EPHB2: variants seen among roughly 807,000 people sequenced by gnomAD.
EPHB2 encodes ephrin type-B receptor 2.
Under a neutral mutation model 96.4 loss-of-function variants are expected in EPHB2, and 18 were observed. The ratio of observed to expected loss-of-function variants is 0.19; its 90% confidence interval spans 0.13 to 0.28. The LOEUF (loss-of-function observed/expected upper bound fraction) is 0.28. EPHB2 is among the 10% of genes least tolerant of loss of function. EPHB2 has a pLI of 1.00. For missense variants in EPHB2, 989 were observed against 1,355.4 expected (o/e 0.73, Z 4.25); for synonymous variants, 506 against 534.1 (o/e 0.95, Z 0.72).
intron 1 of EPHB2, among the ~76,000 whole-genome samples, chr1:22,720,659 T>TCC (rs1570147278): frequency 4.1e-5 from 3 of 73,524 alleles, no homozygotes; most frequent in South Asian, 1.0e-3. Flanking sequence ...AGAAATCTCA[T>TCC]TCCCCCCCCC....
chr1:22,735,422 G>C (rs1407689207), intron 1 of EPHB2, among the ~76,000 whole-genome samples: 1 of 147,110 alleles, frequency 6.8e-6, no homozygotes. Context: ...CTAAACAACA[G>C]AGTGAGACCC....
At chr1:22,798,138 T>C (rs764425617) in intron 3 of EPHB2, among the ~76,000 whole-genome samples, 8 of 152,230 alleles carry the variant, frequency 5.3e-5, no homozygotes, top group Non-Finnish European at 1.0e-4. Context: ...GGTTCTAGGA[T>C]GGTGCTGAGC....
rs1351852088 is a variant in EPHB2, at chr1:22,858,843, AG to A, written c.812-4189del. On this transcript the variant is annotated intron_variant, in intron 3 of 15. Coordinates refer to ENST00000374630, the MANE Select transcript of EPHB2 (RefSeq NM_017449.5). The surrounding 1 kb of genome is among the most constrained non-coding windows in gnomAD (Gnocchi z 7.7). ...CCTCAGTTTCCTCAAATGTCAACTA[AG>A]GGGGTGGGGCTCGATCCCCTTCCAG... 1.3e-5 allele frequency among the ~76,000 whole-genome samples: 2 copies of A among 152,180 alleles called. No individual in the cohort carries two copies. The highest frequency in any genetic ancestry group is 2.9e-5 in the Non-Finnish European group (2 of 68,028).
rs1638793970 is a variant in EPHB2, at chr1:22,875,069, A to G, written c.1304-7290A>G. ...TCTTAGCCACAGAATACGCAGTGCC[A>G]CCCTAGCACCAGTTGTCAGCTTTTC... On this transcript the variant is annotated intron_variant, in intron 5 of 15. Coordinates refer to ENST00000374630, the MANE Select transcript of EPHB2 (RefSeq NM_017449.5). This position sits in a 1 kb window ranked among gnomAD's most constrained non-coding sequence, Gnocchi z 4.2. 6.6e-6 allele frequency among the ~76,000 whole-genome samples: 1 copy of G among 152,142 alleles called. No homozygotes were observed.
chr1:22,894,375 A>C (rs756855991), intron 7 of EPHB2, among the ~76,000 whole-genome samples: 1 of 152,150 alleles, frequency 6.6e-6, no homozygotes, highest in Non-Finnish European at 1.5e-5. Context: ...AGGCGGGTGG[A>C]TCACCTGAGG....
chr1:22,871,407 C>T (rs769526080), intron 5 of EPHB2, among the ~76,000 whole-genome samples: 18 of 152,152 alleles, frequency 1.2e-4, no homozygotes, highest in Non-Finnish European at 1.5e-5. Context: ...GCTCATGTTG[C>T]AGAAAGGGCA....
rs753505053 is a variant in EPHB2, at chr1:22,910,515, C to T, written c.2636C>T (p.Thr879Met). ...CCCAAGTTCGGCCAAATTGTCAACA[C>T]GCTAGACAAGATGATCCGCAATCCC... is the stretch of plus-strand genomic sequence containing the variant. ...HRPKFGQIVN[T>M]LDKMIRNPNS... Residue 879 changes from threonine to methionine, a missense_variant, in exon 14 of 16, where the codon ACG (threonine) becomes ATG (methionine). Coordinates refer to ENST00000374630, the MANE Select transcript of EPHB2 (RefSeq NM_017449.5). 12 of 1,613,084 alleles carry T rather than the reference C, an allele frequency of 7.4e-6. 1 individual carries two copies. The highest frequency in any genetic ancestry group is 1.6e-4 in the Middle Eastern group (1 of 6,082).
chr1:22,903,713 G>C (rs1040783948), intron 9 of EPHB2, among the ~76,000 whole-genome samples: 6 of 152,218 alleles, frequency 3.9e-5, no homozygotes, highest in African/African-American at 1.4e-4. Flanking sequence ...TGGGCACAAA[G>C]GGCTCAGTAA....
chr1:22,849,433 C>T (rs541972258), intron 3 of EPHB2, among the ~76,000 whole-genome samples: 14 of 152,194 alleles, frequency 9.2e-5, no homozygotes, highest in Non-Finnish European at 1.9e-4. Context: ...GGGCCTGTGT[C>T]TCCTCAGTCC....
intron 3 of EPHB2, among the ~76,000 whole-genome samples, chr1:22,819,225 C>CTCTCTCTCTCTCTCTA (rs1645117580): frequency 1.3e-5 from 2 of 150,138 alleles, no homozygotes; most frequent in Non-Finnish European, 3.0e-5. Flanking sequence ...CTCTCTCTCT[C>CTCTCTCTCTCTCTCTA]TCTCTCTCTC....
chr1:22,805,210 C>G (rs1446654140), intron 3 of EPHB2, among the ~76,000 whole-genome samples: 2 of 152,112 alleles, frequency 1.3e-5, no homozygotes, highest in Non-Finnish European at 2.9e-5. Context: ...GGGGGCCTGG[C>G]CTGTTGATTC....
At chr1:22,750,627 T>C (rs116586586) in intron 1 of EPHB2, among the ~76,000 whole-genome samples, 1,961 of 152,300 alleles carry the variant, frequency 0.013, 40 homozygotes, top group African/African-American at 0.044. Context: ...CCCTTTTCAA[T>C]TGGGAAAAGC....
intron 3 of EPHB2, among the ~76,000 whole-genome samples, chr1:22,803,822 G>A (rs912962399): frequency 2.6e-5 from 4 of 151,564 alleles, no homozygotes; most frequent in African/African-American, 9.7e-5. Context: ...GCTGAGGTGG[G>A]AAGATCACTT....
chr1:22,887,102 C>T (rs764308135), intron 6 of EPHB2, among the ~76,000 whole-genome samples: 35 of 151,876 alleles, frequency 2.3e-4, no homozygotes, highest in Non-Finnish European at 3.4e-4. Flanking sequence ...GGAGAGTGTG[C>T]AGAGGAAGAA....
chr1:22,722,306 G>A (rs996191413), intron 1 of EPHB2, among the ~76,000 whole-genome samples: 4 of 152,166 alleles, frequency 2.6e-5, no homozygotes, highest in Admixed American at 2.6e-4. Flanking sequence ...CTGAAAACTG[G>A]TTTTTGAATG....
rs1640219377 is a variant in EPHB2, at chr1:22,914,679, AC to A, written c.*1110del. 1 of 152,422 alleles carries A rather than the reference AC, an allele frequency of 6.6e-6. No homozygotes were observed. The allele number at this position is 152,422 out of a possible 1,614,324, so 9.4% of individuals were successfully genotyped here. A position where few individuals can be genotyped will look rare whatever the true frequency, so the allele number is the denominator to read the frequency against. ...ACACCAAGGGCGAGATTTTATATGCACATTTCTGGATTTTTTTATACGGTTT... is the reference window on the plus strand; with the variant it reads ...ACACCAAGGGCGAGATTTTATATGCAATTTCTGGATTTTTTTATACGGTTT... On this transcript the variant is annotated 3_prime_UTR_variant, in exon 16 of 16. Coordinates refer to ENST00000374630, the MANE Select transcript of EPHB2 (RefSeq NM_017449.5).
chr1:22,834,055 A>AG (rs1645345165), intron 3 of EPHB2, among the ~76,000 whole-genome samples: 1 of 151,792 alleles, frequency 6.6e-6, no homozygotes, highest in East Asian at 1.9e-4. Context: ...ACACTTTAAA[A>AG]AAAAAAGATA....
intron 5 of EPHB2, among the ~76,000 whole-genome samples, chr1:22,873,760 T>C (rs138353362): frequency 3.2e-4 from 49 of 152,288 alleles, no homozygotes; most frequent in African/African-American, 1.1e-3. Context: ...CATCCATGTC[T>C]CAGGTTGCAG....
At position 22,915,479 on chromosome 1, in the gene EPHB2, C is replaced by T. The variant is rs1301949917; in HGVS notation, c.*1909C>T. The stretch of plus-strand genomic sequence containing the variant: ...AGAAAACACATGGAGAACGACAGCT[C>T]CACGTGGCCTTTCTGGCCCTGGCTT... On this transcript the variant is annotated 3_prime_UTR_variant, in exon 16 of 16. Transcript: ENST00000374630. The T allele has an allele frequency of 6.6e-6, 1 of 152,176 alleles. No individual in the cohort carries two copies. The highest frequency in any genetic ancestry group is 2.4e-5 in the African/African-American group (1 of 41,448). The allele number at this position is 152,176 out of a possible 1,614,324, so 9.4% of individuals were successfully genotyped here. A position where few individuals can be genotyped will look rare whatever the true frequency, so the allele number is the denominator to read the frequency against.
Sources: allele counts gnomAD v4.1 joint callset (sites outside exome capture counted in the v4.1 genomes callset), GRCh38; gene constraint gnomAD v4.1.1; non-coding constraint Gnocchi (gnomAD v3.1); transcripts MANE v1.5; gene names NCBI Gene and HGNC (gene_info 2026-07-23, HGNC 2026-07-21).